Variants in TPRG1 observed in about 807,000 individuals in gnomAD.
The protein encoded by TPRG1 is tumor protein p63-regulated gene 1 protein.
Under a neutral mutation model 29.3 loss-of-function variants are expected in TPRG1, and 29 were observed. The observed-to-expected ratio is 0.99, with a 90% CI of 0.74 to 1.35. TPRG1 has a LOEUF of 1.35. TPRG1 is among the 40% of genes most tolerant of loss of function. The probability of loss-of-function intolerance (pLI) is 0.00; values close to 1 mark genes in which losing one functional copy is unlikely to be tolerated. For synonymous variants in TPRG1, 130 were observed against 116.8 expected (o/e 1.11, Z -0.73); for missense variants, 327 against 335.0 (o/e 0.98, Z 0.19).
chr3:189,170,920 A>G (rs1170313774), upstream of TPRG1, among the ~76,000 whole-genome samples: 1 of 152,234 alleles, frequency 6.6e-6, no homozygotes, highest in Non-Finnish European at 1.5e-5. Context: ...CCGTTCCTCC[A>G]GCCATCAAAC....
chr3:189,153,765 C>T lies in TPRG1; in HGVS notation c.-10+2893C>T, dbSNP rs188650590. ...TTGTTGCAGGCCAGAAACTCTGGCT[C>T]GTATAGGCAAAAAGCAGAACTGATT... On this transcript the variant is annotated intron_variant, in intron 5 of 6. Coordinates refer to the TPRG1 transcript ENST00000412373. Among the ~76,000 whole-genome samples, 143 of 151,648 alleles carry T rather than the reference C, an allele frequency of 9.4e-4. 2 individuals carry two copies. Among genetic ancestry groups the T allele is most frequent in the Non-Finnish European group, 1.6e-3 (108 of 67,922 alleles).
At position 189,018,947 on chromosome 3, in the gene TPRG1, A is replaced by G. The variant is rs929355206; in HGVS notation, c.-659-4803A>G. On this transcript the variant is annotated intron_variant, in intron 3 of 10. Coordinates refer to the TPRG1 transcript ENST00000433971. ...AGTTCTCCTTGAAGAGGTCCTTCAC[A>G]TCCCTTGTAAGTTGGATTCCTAGGT... 2.0e-5 allele frequency among the ~76,000 whole-genome samples: 3 copies of G among 152,132 alleles called. No individual in the cohort carries two copies. In the East Asian group the frequency reaches 5.8e-4, roughly 29 times the overall value.
At chr3:189,057,740 A>G (rs1715794506) in intron 4 of TPRG1, among the ~76,000 whole-genome samples, 1 of 142,316 alleles carries the variant, frequency 7.0e-6, no homozygotes, top group Non-Finnish European at 1.5e-5. Context: ...TTCTATTAGT[A>G]TATATATACA....
intron 3 of TPRG1, among the ~76,000 whole-genome samples, chr3:189,134,100 G>A (rs1037193374): frequency 6.6e-6 from 1 of 152,118 alleles, no homozygotes; most frequent in African/African-American, 2.4e-5. Context: ...TTCCAGTCAA[G>A]GTCCCAGCCC....
intron 4 of TPRG1, among the ~76,000 whole-genome samples, chr3:189,046,733 A>T (rs998306920): frequency 1.3e-5 from 2 of 152,218 alleles, no homozygotes; most frequent in African/African-American, 2.4e-5. Context: ...GATTCTTTTT[A>T]AAAAGTTTTA....
intron 4 of TPRG1, among the ~76,000 whole-genome samples, chr3:189,270,084 C>T (rs1377575595): frequency 6.6e-6 from 1 of 150,712 alleles, no homozygotes; most frequent in East Asian, 1.9e-4. Flanking sequence ...GTAACGAGAG[C>T]ACAAACTAGC....
chr3:189,089,008 C>G (rs1363500038), intron 4 of TPRG1, among the ~76,000 whole-genome samples: 1 of 146,790 alleles, frequency 6.8e-6, no homozygotes, highest in Non-Finnish European at 1.5e-5. Flanking sequence ...ATCTATCTAT[C>G]TATCTATGTA....
chr3:189,152,408 AC>A (rs1165435100), intron 5 of TPRG1, among the ~76,000 whole-genome samples: 1 of 152,022 alleles, frequency 6.6e-6, no homozygotes, highest in Non-Finnish European at 1.5e-5. Flanking sequence ...ATTAGAGGGA[AC>A]CCCCAGCTCC....
Position 189,232,885 on chromosome 3 carries a change from G to T in TPRG1, c.303-5848G>T, listed in dbSNP as rs1203703720. On this transcript the variant is annotated intron_variant, in intron 3 of 5. Coordinates refer to ENST00000345063, the MANE Select transcript of TPRG1 (RefSeq NM_198485.4). ...CGACTCCACTTAACTCAGAGGGAGA[G>T]AAATTGCTTTCCTTTAGTGCCGTGC... Among the ~76,000 whole-genome samples, 4 of 152,334 alleles carry T rather than the reference G, an allele frequency of 2.6e-5. No individual in the cohort carries two copies. In the East Asian group the frequency reaches 7.7e-4, roughly 29 times the overall value.
intron 4 of TPRG1, among the ~76,000 whole-genome samples, chr3:189,063,980 AG>A (rs1325842673): frequency 6.6e-6 from 1 of 152,208 alleles, no homozygotes; most frequent in Non-Finnish European, 1.5e-5. Flanking sequence ...ATCAGGCACA[AG>A]CTTCTAAGAA....
intron 4 of TPRG1, among the ~76,000 whole-genome samples, chr3:189,028,731 T>C (rs1006140844): frequency 6.6e-6 from 1 of 152,162 alleles, no homozygotes; most frequent in Non-Finnish European, 1.5e-5. Flanking sequence ...CACTGCACAC[T>C]GTGTATGGTA....
At chr3:189,228,993 A>G (rs1440088264) in intron 3 of TPRG1, among the ~76,000 whole-genome samples, 3 of 152,234 alleles carry the variant, frequency 2.0e-5, no homozygotes, top group African/African-American at 7.2e-5. Flanking sequence ...GTAAAAGCTA[A>G]AATTAAAAAT....
intron 4 of TPRG1, among the ~76,000 whole-genome samples, chr3:189,087,399 G>T (rs1718022891): frequency 6.6e-6 from 1 of 152,140 alleles, no homozygotes; most frequent in Non-Finnish European, 1.5e-5. Flanking sequence ...GTAGATTCTG[G>T]ATATTAGCCC....
intron 4 of TPRG1, among the ~76,000 whole-genome samples, chr3:189,260,638 C>T (rs911814637): frequency 3.3e-5 from 5 of 152,176 alleles, no homozygotes; most frequent in Admixed American, 6.5e-5. Context: ...GAGAAGGCAT[C>T]GCACATGTAT....
intron 5 of TPRG1, among the ~76,000 whole-genome samples, chr3:189,161,375 T>C (rs1240663493): frequency 6.6e-6 from 1 of 152,210 alleles, no homozygotes. Flanking sequence ...CTGCCATAAA[T>C]GGAGAAGCAT....
At chr3:189,018,399 AT>A (rs996452899) in intron 3 of TPRG1, among the ~76,000 whole-genome samples, 2 of 147,914 alleles carry the variant, frequency 1.4e-5, no homozygotes, top group Non-Finnish European at 3.0e-5. Flanking sequence ...TCTTGAATTG[AT>A]TTTTGTATAA....
At chr3:189,166,175 C>A (rs531440244) in intron 5 of TPRG1, among the ~76,000 whole-genome samples, 1 of 152,336 alleles carries the variant, frequency 6.6e-6, no homozygotes, top group East Asian at 1.9e-4. Flanking sequence ...GAGAACAGAG[C>A]ATTCAGTGTC....
At chr3:189,225,196 G>T (rs1305266010) in intron 3 of TPRG1, among the ~76,000 whole-genome samples, 4 of 152,168 alleles carry the variant, frequency 2.6e-5, no homozygotes, top group Admixed American at 6.5e-5. Context: ...CTCCCAAAGT[G>T]CTGGGATTAC....
chr3:189,078,067 TC>T lies in TPRG1; in HGVS notation c.-462-48988del, dbSNP rs1416903359. Reference sequence around the variant, plus strand: ...TCCTTCCTTCCTTCCTTCCTTTCTCTCCTTTCTCTCTTTCTCTCTTTCTCTC... The same window carrying T: ...TCCTTCCTTCCTTCCTTCCTTTCTCTCTTTCTCTCTTTCTCTCTTTCTCTC... On this transcript the variant is annotated intron_variant, in intron 4 of 10. Transcript: ENST00000433971. Among the ~76,000 whole-genome samples, 468 of 103,024 alleles carry T rather than the reference TC, an allele frequency of 4.5e-3. 1 individual carries two copies. Among genetic ancestry groups the T allele is most frequent in the African/African-American group, 0.019 (422 of 22,454 alleles). 67.6% of individuals were successfully genotyped at this position (103,024 alleles called of 152,430 possible). A position where few individuals can be genotyped will look rare whatever the true frequency, so the allele number is the denominator to read the frequency against.
Sources: gnomAD v4.1 joint callset for allele counts (sites outside exome capture counted in the v4.1 genomes callset) on GRCh38, gnomAD v4.1.1 for gene constraint, MANE v1.5 for transcripts, NCBI Gene and HGNC (gene_info 2026-07-23, HGNC 2026-07-21) for gene names.